Variants in ACYP2 observed in about 807,000 individuals in gnomAD.
ACYP2 encodes the protein acylphosphatase 2, also known as acylphosphatase-2.
In ACYP2, 12 loss-of-function variants were observed where a neutral mutation model predicts 11.2. That is an observed-to-expected ratio of 1.08 (90% confidence interval 0.69 to 1.74). ACYP2 has a LOEUF of 1.74. Ranked by LOEUF, ACYP2 falls within the 40% of genes most tolerant of loss-of-function variation. The probability of loss-of-function intolerance (pLI) is 0.00; values close to 1 mark genes in which losing one functional copy is unlikely to be tolerated. For missense variants in ACYP2, 134 were observed against 101.9 expected, an observed-to-expected ratio of 1.31 and a Z score of -1.35; for synonymous variants, 43 against 32.2, an observed-to-expected ratio of 1.33 and a Z score of -1.13.
chr2:54,182,718 C>T (rs843677), intron 6 of ACYP2, among the ~76,000 whole-genome samples: 81,333 of 152,010 alleles, frequency 0.54, 22,197 homozygotes, highest in East Asian at 0.7. Flanking sequence ...GAGTCAGTCA[C>T]GCAAAGTCAC....
chr2:53,989,613 T>C (rs192876954), intron 2 of ACYP2, among the ~76,000 whole-genome samples: 15 of 152,310 alleles, frequency 9.8e-5, no homozygotes, highest in Middle Eastern at 3.4e-3. Flanking sequence ...CCTCTAACTT[T>C]AGAAGCCTAA....
intron 6 of ACYP2, among the ~76,000 whole-genome samples, chr2:54,302,671 C>T (rs909869961): frequency 2.0e-5 from 3 of 152,142 alleles, no homozygotes; most frequent in Non-Finnish European, 2.9e-5. Flanking sequence ...GTCTAACAGA[C>T]ATCTCAAATG....
chr2:54,289,035 A>C (rs568402160), intron 6 of ACYP2, among the ~76,000 whole-genome samples: 1 of 152,200 alleles, frequency 6.6e-6, no homozygotes, highest in South Asian at 2.1e-4. Flanking sequence ...GCTATCAACT[A>C]TATATAAGTA....
intron 2 of ACYP2, among the ~76,000 whole-genome samples, chr2:54,023,809 A>C (rs1208681059): frequency 6.6e-6 from 1 of 152,206 alleles, no homozygotes; most frequent in Non-Finnish European, 1.5e-5. Context: ...TAATAAAAAA[A>C]TTGCCAACAA....
chr2:54,155,568 G>T (rs1275380857), intron 6 of ACYP2, among the ~76,000 whole-genome samples: 3 of 152,112 alleles, frequency 2.0e-5, no homozygotes, highest in Admixed American at 2.0e-4. Flanking sequence ...GCATGCGAGG[G>T]ATACAGGTTG....
chr2:54,127,625 G>A (rs1443065026), intron 4 of ACYP2, among the ~76,000 whole-genome samples: 2 of 151,954 alleles, frequency 1.3e-5, no homozygotes, highest in Non-Finnish European at 2.9e-5. Context: ...GCATGCACCT[G>A]TAGTCCCAGT....
intron 3 of ACYP2, among the ~76,000 whole-genome samples, chr2:54,056,411 A>C (rs1250979020): frequency 6.6e-6 from 1 of 152,250 alleles, no homozygotes; most frequent in East Asian, 1.9e-4. Flanking sequence ...GATCATATCC[A>C]TTGGCAAGGG....
chr2:54,059,329 C>T (rs764881141), intron 4 of ACYP2, among the ~76,000 whole-genome samples: 2 of 152,012 alleles, frequency 1.3e-5, no homozygotes, highest in Non-Finnish European at 2.9e-5. Context: ...AGTGATTCTC[C>T]TGACTCAGCC....
chr2:54,237,112 A>C (rs1686518156), intron 6 of ACYP2, among the ~76,000 whole-genome samples: 1 of 152,174 alleles, frequency 6.6e-6, no homozygotes, highest in Non-Finnish European at 1.5e-5. Context: ...ATGATTTAAA[A>C]CACATGGGAA....
chr2:53,976,316 T>A (rs1334006483), intron 2 of ACYP2, among the ~76,000 whole-genome samples: 1 of 152,172 alleles, frequency 6.6e-6, no homozygotes, highest in Non-Finnish European at 1.5e-5. Context: ...CAAGTGATTC[T>A]CCCACTTTGG....
intron 2 of ACYP2, among the ~76,000 whole-genome samples, chr2:54,033,998 G>T: frequency 6.6e-6 from 1 of 152,210 alleles, no homozygotes; most frequent in Non-Finnish European, 1.5e-5. Flanking sequence ...ATCAATGATA[G>T]ACCAAATATA....
chr2:54,141,936 C>T, intron 6 of ACYP2: 1 of 597,884 alleles, frequency 1.7e-6, no homozygotes, highest in Non-Finnish European at 3.1e-6. Flanking sequence ...CTTCTGGGCT[C>T]AAGTGATCTT....
intron 2 of ACYP2, among the ~76,000 whole-genome samples, chr2:54,004,844 G>A (rs140809736): frequency 2.8e-5 from 4 of 140,368 alleles, no homozygotes; most frequent in South Asian, 2.3e-4. Context: ...GCAGTGAGCC[G>A]AGATCTCACC....
chr2:54,259,795 G>A (rs574762543), intron 6 of ACYP2, among the ~76,000 whole-genome samples: 1 of 152,326 alleles, frequency 6.6e-6, no homozygotes, highest in African/African-American at 2.4e-5. Context: ...TTTCAGTGGA[G>A]TGGTGGGATA....
At chr2:54,201,198 T>C (rs564652121) in intron 6 of ACYP2, among the ~76,000 whole-genome samples, 2 of 151,812 alleles carry the variant, frequency 1.3e-5, no homozygotes, top group East Asian at 1.9e-4. Flanking sequence ...CTCCGCCTCC[T>C]GGGTTCACGC....
At chr2:54,035,405 A>T (rs980833467) in intron 2 of ACYP2, among the ~76,000 whole-genome samples, 2 of 151,408 alleles carry the variant, frequency 1.3e-5, no homozygotes, top group Non-Finnish European at 2.9e-5. Flanking sequence ...AGCTGGGAGT[A>T]CAGGCGCCCG....
chr2:54,115,818 G>A (rs2287641), intron 4 of ACYP2, 62 bp downstream of exon 1: 103,015 of 1,482,176 alleles, frequency 0.07, 5,284 homozygotes, highest in East Asian at 0.31. Flanking sequence ...AGAAAGCTGT[G>A]AGAAGCGCCT....
At chr2:54,301,122 C>G (rs1689708492) in intron 6 of ACYP2, among the ~76,000 whole-genome samples, 1 of 152,118 alleles carries the variant, frequency 6.6e-6, no homozygotes, top group Non-Finnish European at 1.5e-5. Context: ...AAGAAAGTTG[C>G]AAATAAGTTG....
chr2:54,149,281 T>A (rs1682037738), intron 6 of ACYP2, among the ~76,000 whole-genome samples: 1 of 152,248 alleles, frequency 6.6e-6, no homozygotes, highest in South Asian at 2.1e-4. Flanking sequence ...AGAGATGGCC[T>A]GGCTGTGATT....
Sources: gnomAD v4.1 joint callset for allele counts (sites outside exome capture counted in the v4.1 genomes callset) on GRCh38, gnomAD v4.1.1 for gene constraint, MANE v1.5 for transcripts, NCBI Gene and HGNC (gene_info 2026-07-23, HGNC 2026-07-21) for gene names.